The following TEKT5 variants were observed in gnomAD, a reference collection of about 807,000 sequenced individuals.
TEKT5 encodes tektin-5.
TEKT5 carries 52 observed loss-of-function variants against 48.7 expected under a neutral mutation model. That is an observed-to-expected ratio of 1.07 (90% CI 0.86 to 1.35). TEKT5 has a LOEUF of 1.35. TEKT5 is among the 40% of genes most tolerant of loss of function. The pLI is 0.00. For synonymous variants in TEKT5, 318 were observed against 267.6 expected, an observed-to-expected ratio of 1.19 and a Z score of -1.84; for missense variants, 831 against 641.6, an observed-to-expected ratio of 1.30 and a Z score of -3.19.
chr16:10,689,099 T>A (rs1472683288), intron 3 of TEKT5, among the ~76,000 whole-genome samples, 154 bp downstream of exon 3: 1 of 151,862 alleles, frequency 6.6e-6, no homozygotes, highest in Non-Finnish European at 1.5e-5. Flanking sequence ...TTTTTTTTTT[T>A]CCTAGAAGGC....
chr16:10,633,953 G>A (rs1459392939), intron 6 of TEKT5, among the ~76,000 whole-genome samples: 3 of 152,050 alleles, frequency 2.0e-5, no homozygotes, highest in Non-Finnish European at 4.4e-5. Context: ...TCATCGCTTG[G>A]GCACCACCCA....
At chr16:10,632,861 C>G (rs1034120079) in intron 6 of TEKT5, among the ~76,000 whole-genome samples, 2 of 142,844 alleles carry the variant, frequency 1.4e-5, no homozygotes, top group African/African-American at 5.6e-5. Context: ...ACAACATACA[C>G]AGATGCAGAC....
At chr16:10,693,679 G>A (rs531266744) in intron 1 of TEKT5, among the ~76,000 whole-genome samples, 5 of 152,272 alleles carry the variant, frequency 3.3e-5, no homozygotes, top group South Asian at 2.1e-4. Context: ...TAAGTATTAC[G>A]GGGAAAAATA....
At chr16:10,656,118 C>T (rs1898257523) in intron 5 of TEKT5, among the ~76,000 whole-genome samples, 1 of 152,154 alleles carries the variant, frequency 6.6e-6, no homozygotes, top group South Asian at 2.1e-4. Flanking sequence ...TAGTTAGCAG[C>T]CTCCCTGGTC....
intron 6 of TEKT5, among the ~76,000 whole-genome samples, chr16:10,634,675 T>C (rs1028278536): frequency 6.6e-6 from 1 of 152,154 alleles, no homozygotes; most frequent in African/African-American, 2.4e-5. Flanking sequence ...TACAAAAGAC[T>C]GTGACATCCT....
In TEKT5 at chr16:10,654,013, T is replaced by C. The variant is rs140425068; in HGVS notation, c.1087-18095A>G. Reference sequence around the variant, plus strand: ...GTGTGTGTGAACGTGTGTGTGTGTGTGCATGTGTGTGTGTGTGCACATGTG... The same window carrying C: ...GTGTGTGTGAACGTGTGTGTGTGTGCGCATGTGTGTGTGTGTGCACATGTG... On this transcript the variant is annotated intron_variant, in intron 5 of 6. Coordinates refer to ENST00000283025, the MANE Select transcript of TEKT5 (RefSeq NM_144674.2). Among the ~76,000 whole-genome samples the C allele has an allele frequency of 1.7e-3, 235 of 139,564 alleles. 1 individual carries two copies. Among genetic ancestry groups the C allele is most frequent in the African/African-American group, 7.3e-3 (230 of 31,700 alleles). 91.6% of individuals were successfully genotyped at this position (139,564 alleles called of 152,430 possible). A position where few individuals can be genotyped will look rare whatever the true frequency, so the allele number is the denominator to read the frequency against.
chr16:10,629,385 G>A (rs747806206), intron 6 of TEKT5, among the ~76,000 whole-genome samples: 1 of 151,982 alleles, frequency 6.6e-6, no homozygotes, highest in African/African-American at 2.4e-5. Context: ...CAAGTAGCTG[G>A]GATTACAGGC....
intron 5 of TEKT5, among the ~76,000 whole-genome samples, chr16:10,669,716 G>T (rs952298899): frequency 2.6e-5 from 4 of 151,030 alleles, no homozygotes; most frequent in Non-Finnish European, 4.4e-5. Context: ...CCATATTTAT[G>T]CATCTTTTCC....
chr16:10,650,708 A>G (rs929560553), intron 5 of TEKT5, among the ~76,000 whole-genome samples: 2 of 151,762 alleles, frequency 1.3e-5, no homozygotes, highest in African/African-American at 4.8e-5. Context: ...ACATGGTGAC[A>G]CCCCGTCTCT....
At chr16:10,681,114 T>G (rs983739869) in intron 4 of TEKT5, among the ~76,000 whole-genome samples, 2 of 149,138 alleles carry the variant, frequency 1.3e-5, no homozygotes, top group African/African-American at 2.5e-5. Flanking sequence ...AGGCACCACC[T>G]CATAGCTGCT....
rs1899040607 is a variant in TEKT5 at position 10,694,477 on chromosome 16, TCTGGTGCGTCAG to T, written c.385_396del (p.Leu129_Gln132del). 1 of 1,613,902 alleles carries T rather than the reference TCTGGTGCGTCAG, an allele frequency of 6.2e-7. No individual in the cohort carries two copies. The highest frequency in any genetic ancestry group is 1.3e-5 in the African/African-American group (1 of 74,920). On this transcript the variant is annotated inframe_deletion, in exon 1 of 7. Transcript: ENST00000283025. ...AGGTTCCGGCAGGTGCCCTCCTGCA[TCTGGTGCGTCAG>T]CTGGTCCTTGTCCTGCAAGAGCCTC...
At chr16:10,636,166 G>C (rs1214303502) in intron 5 of TEKT5, among the ~76,000 whole-genome samples, 1 of 152,160 alleles carries the variant, frequency 6.6e-6, no homozygotes, top group Non-Finnish European at 1.5e-5. Flanking sequence ...CCTGAGGTCA[G>C]GGGTTCTAGA....
chr16:10,650,524 G>T, intron 5 of TEKT5, among the ~76,000 whole-genome samples: 1 of 152,152 alleles, frequency 6.6e-6, no homozygotes, highest in East Asian at 1.9e-4. Context: ...CAAAAAACAT[G>T]CCCCTTAACA....
chr16:10,639,299 A>G (rs549341608), intron 5 of TEKT5, among the ~76,000 whole-genome samples: 3,390 of 150,722 alleles, frequency 0.022, 126 homozygotes, highest in African/African-American at 0.079. Flanking sequence ...AAAAAACAAA[A>G]ACCCTATCTC....
intron 5 of TEKT5, among the ~76,000 whole-genome samples, chr16:10,647,244 C>T (rs1251116012): frequency 6.6e-6 from 1 of 151,740 alleles, no homozygotes; most frequent in African/African-American, 2.4e-5. Context: ...CTGAGGCAGG[C>T]AGATTGCTTG....
At chr16:10,636,190 C>T (rs576823159) in intron 5 of TEKT5, among the ~76,000 whole-genome samples, 299 of 152,184 alleles carry the variant, frequency 2.0e-3, no homozygotes, top group Non-Finnish European at 3.8e-3. Context: ...GCCTGGCCAA[C>T]GTGGTGAAAC....
intron 5 of TEKT5, among the ~76,000 whole-genome samples, chr16:10,654,938 T>TC (rs1898233423): frequency 1.4e-3 from 65 of 46,342 alleles, no homozygotes; most frequent in African/African-American, 4.5e-3. Flanking sequence ...CCCCCTCCCC[T>TC]CCCCCACCCC....
At chr16:10,660,544 A>G (rs1898348759) in intron 5 of TEKT5, among the ~76,000 whole-genome samples, 1 of 152,034 alleles carries the variant, frequency 6.6e-6, no homozygotes, top group Non-Finnish European at 1.5e-5. Context: ...CATCCGGGAG[A>G]CAGAGACTGG....
intron 3 of TEKT5, among the ~76,000 whole-genome samples, chr16:10,683,775 T>C (rs1898802636): frequency 1.3e-5 from 2 of 152,174 alleles, no homozygotes; most frequent in African/African-American, 4.8e-5. Flanking sequence ...GTTTTTTTAG[T>C]AGAGATGGGG....
Sources: gnomAD v4.1 joint callset for allele counts (sites outside exome capture counted in the v4.1 genomes callset) on GRCh38, gnomAD v4.1.1 for gene constraint, MANE v1.5 for transcripts, NCBI Gene and HGNC (gene_info 2026-07-23, HGNC 2026-07-21) for gene names.